SCD5: variants seen among roughly 807,000 people sequenced by gnomAD.
SCD5 encodes stearoyl-CoA desaturase 5, also known as acyl-CoA-desaturase 4.
SCD5 carries 20 observed loss-of-function variants against 30.4 expected under a neutral mutation model. The ratio of observed to expected loss-of-function variants is 0.66; its 90% CI spans 0.46 to 0.96. The LOEUF (loss-of-function observed/expected upper bound fraction) is 0.96. SCD5 is among the 40% of genes least tolerant of loss of function. The pLI is 0.00. For missense variants in SCD5, 381 were observed against 443.3 expected, an observed-to-expected ratio of 0.86 and a Z score of 1.26; for synonymous variants, 173 against 176.4, an observed-to-expected ratio of 0.98 and a Z score of 0.16.
intron 1 of SCD5, among the ~76,000 whole-genome samples, chr4:82,738,614 A>T (rs1034768452): frequency 2.0e-5 from 3 of 151,944 alleles, no homozygotes; most frequent in African/African-American, 7.3e-5. Context: ...TCACTCCTTC[A>T]CCTTAGCCAA....
chr4:82,659,801 C>T lies in SCD5; in HGVS notation c.569+20906G>A, dbSNP rs572588259. On this transcript the variant is annotated intron_variant, in intron 3 of 4. Transcript: ENST00000319540. ...TGTGGTGTTGAGAAGAATGTATATT[C>T]TGTTGATTTTCACACATAACAATAT... 4.6e-5 allele frequency: 7 copies of T among 152,126 alleles called. No individual in the cohort carries two copies. The East Asian group carries it at 1.4e-3, about 29-fold the overall frequency. The allele number at this position is 152,126 out of a possible 1,614,324, so 9.4% of individuals were successfully genotyped here. A position where few individuals can be genotyped will look rare whatever the true frequency, so the allele number is the denominator to read the frequency against.
chr4:82,723,025 C>T (rs1385080444), intron 1 of SCD5, among the ~76,000 whole-genome samples: 1 of 144,950 alleles, frequency 6.9e-6, no homozygotes, highest in Non-Finnish European at 1.5e-5. Context: ...TGTGGTGAGC[C>T]GAGATCGCGC....
At chr4:82,664,999 C>CTATATATATATATA (rs70964800) in intron 3 of SCD5, among the ~76,000 whole-genome samples, 32 of 70,466 alleles carry the variant, frequency 4.5e-4, no homozygotes, top group African/African-American at 1.3e-3. Context: ...CTCTCTCTCT[C>CTATATATATATATA]TATATATATA....
At chr4:82,791,979 C>T (rs931633907) in intron 1 of SCD5, among the ~76,000 whole-genome samples, 24 of 152,134 alleles carry the variant, frequency 1.6e-4, no homozygotes, top group African/African-American at 4.8e-4. Context: ...TGTGCCTGGC[C>T]GGGCACGCTG....
intron 4 of SCD5, among the ~76,000 whole-genome samples, chr4:82,634,950 C>T (rs1227648840): frequency 1.3e-5 from 2 of 152,244 alleles, no homozygotes; most frequent in African/African-American, 4.8e-5. Flanking sequence ...ATGTAGTGTT[C>T]ACTCCACCTT....
chr4:82,712,446 T>A (rs1375772669), intron 1 of SCD5, among the ~76,000 whole-genome samples: 1 of 148,788 alleles, frequency 6.7e-6, no homozygotes, highest in Non-Finnish European at 1.5e-5. Context: ...GCCTCCTGAG[T>A]AGCTGGGATT....
intron 1 of SCD5, among the ~76,000 whole-genome samples, chr4:82,765,154 C>T (rs976954792): frequency 1.2e-4 from 19 of 152,038 alleles, no homozygotes; most frequent in Non-Finnish European, 2.9e-5. Flanking sequence ...GAAGGACTTC[C>T]TTTAATGTTT....
chr4:82,739,472 C>A (rs1265736253), intron 1 of SCD5, among the ~76,000 whole-genome samples: 1 of 152,252 alleles, frequency 6.6e-6, no homozygotes, highest in African/African-American at 2.4e-5. Flanking sequence ...GGGTGCAGCA[C>A]CCCCTGCCGG....
chr4:82,763,079 C>T (rs1721414152), intron 1 of SCD5, among the ~76,000 whole-genome samples: 1 of 152,196 alleles, frequency 6.6e-6, no homozygotes, highest in Non-Finnish European at 1.5e-5. Context: ...AGGCACTGTT[C>T]CTGGGGAGGA....
chr4:82,635,362 GT>G (rs1183309913), intron 4 of SCD5, among the ~76,000 whole-genome samples: 1 of 152,190 alleles, frequency 6.6e-6, no homozygotes, highest in Non-Finnish European at 1.5e-5. Flanking sequence ...GCTCACGCCT[GT>G]AATCCCAGCA....
At chr4:82,789,890 G>C (rs1030464737) in intron 1 of SCD5, among the ~76,000 whole-genome samples, 2 of 152,214 alleles carry the variant, frequency 1.3e-5, no homozygotes, top group African/African-American at 4.8e-5. Context: ...GGAAGGGGAA[G>C]GAGGACAGGC....
At chr4:82,701,742 T>C (rs1489998663) in intron 2 of SCD5, among the ~76,000 whole-genome samples, 3 of 152,114 alleles carry the variant, frequency 2.0e-5, no homozygotes, top group African/African-American at 4.8e-5. Flanking sequence ...AATGCCTCAT[T>C]ACCATGACTT....
chr4:82,748,301 C>A (rs1721036112), intron 1 of SCD5, among the ~76,000 whole-genome samples: 1 of 151,808 alleles, frequency 6.6e-6, no homozygotes, highest in South Asian at 2.1e-4. Flanking sequence ...CAGGCCTAGG[C>A]ATGCCTTGAC....
At chr4:82,769,171 G>C (rs1265382574) in intron 1 of SCD5, among the ~76,000 whole-genome samples, 2 of 152,148 alleles carry the variant, frequency 1.3e-5, no homozygotes, top group African/African-American at 4.8e-5. Flanking sequence ...GGTCTTCTGA[G>C]TCTAGAGTGA....
chr4:82,678,184 CATG>C (rs2148820588), intron 3 of SCD5, among the ~76,000 whole-genome samples: 1 of 152,230 alleles, frequency 6.6e-6, no homozygotes, highest in African/African-American at 2.4e-5. Context: ...ATACATGTGA[CATG>C]ATGATATGAA....
intron 3 of SCD5, among the ~76,000 whole-genome samples, chr4:82,665,174 C>T (rs1728156787): frequency 7.3e-6 from 1 of 137,332 alleles, no homozygotes; most frequent in Non-Finnish European, 1.5e-5. Flanking sequence ...TTTGAGGCTA[C>T]AGTTAGCAGC....
intron 1 of SCD5, among the ~76,000 whole-genome samples, chr4:82,738,337 G>A (rs1324194281): frequency 7.5e-6 from 1 of 134,218 alleles, no homozygotes; most frequent in Non-Finnish European, 1.6e-5. Flanking sequence ...CAGGAAAATC[G>A]CTTGAACCCA....
chr4:82,729,049 T>C (rs899648294), intron 1 of SCD5, among the ~76,000 whole-genome samples: 1 of 152,042 alleles, frequency 6.6e-6, no homozygotes, highest in Non-Finnish European at 1.5e-5. Context: ...ATAGAAGTGT[T>C]TGGAGAAAGA....
intron 3 of SCD5, among the ~76,000 whole-genome samples, chr4:82,645,183 G>T (rs1366751622): frequency 6.6e-6 from 1 of 152,100 alleles, no homozygotes; most frequent in East Asian, 1.9e-4. Context: ...GTGTGGAAGT[G>T]AATACCTGTA....
Sources: gnomAD v4.1 joint callset for allele counts (sites outside exome capture counted in the v4.1 genomes callset) on GRCh38, gnomAD v4.1.1 for gene constraint, MANE v1.5 for transcripts, NCBI Gene and HGNC (gene_info 2026-07-23, HGNC 2026-07-21) for gene names.